Variants in SLC5A8 observed in about 807,000 individuals in gnomAD.
The protein encoded by SLC5A8 is sodium-coupled monocarboxylate transporter 1.
A neutral mutation model predicts 71.9 loss-of-function variants in SLC5A8; 55 were observed. That is an observed-to-expected ratio of 0.77 (90% CI 0.62 to 0.96). The LOEUF is 0.96. Ranked by LOEUF, SLC5A8 falls within the 40% of genes least tolerant of loss-of-function variation. The pLI is 0.00. For missense variants in SLC5A8, 701 were observed against 745.3 expected (o/e 0.94, Z 0.69); for synonymous variants, 307 against 276.1 (o/e 1.11, Z -1.11).
intron 13 of SLC5A8, among the ~76,000 whole-genome samples, 179 bp downstream of exon 13, chr12:101,161,795 T>C (rs76336480): frequency 2.6e-5 from 4 of 152,188 alleles, no homozygotes; most frequent in East Asian, 3.8e-4. Flanking sequence ...AAGATTCAAA[T>C]AGAAATGAGT....
In SLC5A8 at chr12:101,209,774, C is replaced by G. The variant is rs143245688; in HGVS notation, c.75G>C (p.Ser25=). ...YVVFAGMLVI[S]AAIGIYYAFA... ...AGGCGTAGTAGATGCCGATGGCGGC[C>G]GAGATGACCAGCATGCCCGCGAACA... The change falls in exon 1 of 15, where the codon TCG becomes TCC. Residue 25 remains serine (S), a synonymous_variant. Coordinates refer to ENST00000536262, the MANE Select transcript of SLC5A8 (RefSeq NM_145913.5). 1 of 1,609,982 alleles carries G rather than the reference C, an allele frequency of 6.2e-7. No individual in the cohort carries two copies.
At chr12:101,203,548 T>C (rs375417683) in intron 2 of SLC5A8, among the ~76,000 whole-genome samples, 71 of 152,194 alleles carry the variant, frequency 4.7e-4, no homozygotes, top group African/African-American at 1.6e-3. Context: ...GGTTTCACCA[T>C]GTTGGCCAGG....
chr12:101,192,710 A>T (rs113983388), intron 5 of SLC5A8, among the ~76,000 whole-genome samples: 1,689 of 152,328 alleles, frequency 0.011, 40 homozygotes, highest in African/African-American at 0.039. Flanking sequence ...TTCTCTAGAA[A>T]TAATACTTCA....
intron 3 of SLC5A8, among the ~76,000 whole-genome samples, chr12:101,197,438 G>A (rs1869233633): frequency 1.3e-5 from 2 of 152,130 alleles, no homozygotes; most frequent in Non-Finnish European, 2.9e-5. Context: ...TTTCCAAAAA[G>A]TTGAAGTGGA....
chr12:101,209,730 T>G lies in SLC5A8; in HGVS notation c.119A>C (p.Gln40Pro), dbSNP rs1212592003. ...IYYAFAGGGQ[Q>P]TSKDFLMGGR... ...GCCCATCAGGAAGTCCTTGGAGGTC[T>G]GCTGGCCGCCCCCAGCGAAGGCGTA... The change falls in exon 1 of 15, where the codon CAG (glutamine) becomes CCG (proline). Residue 40 changes from glutamine to proline, a missense_variant. Coordinates refer to ENST00000536262, the MANE Select transcript of SLC5A8 (RefSeq NM_145913.5). 6.2e-7 allele frequency: 1 copy of G among 1,612,746 alleles called. No individual in the cohort carries two copies. Among genetic ancestry groups the G allele is most frequent in the Non-Finnish European group, 8.5e-7 (1 of 1,179,850 alleles).
chr12:101,199,160 C>A (rs1242046684), intron 3 of SLC5A8: 1 of 151,874 alleles, frequency 6.6e-6, no homozygotes, highest in African/African-American at 2.4e-5. Context: ...GCATAAAAAA[C>A]AACAATTATC....
chr12:101,197,845 G>A (rs557511470), intron 3 of SLC5A8, among the ~76,000 whole-genome samples: 1 of 152,086 alleles, frequency 6.6e-6, no homozygotes, highest in East Asian at 1.9e-4. Flanking sequence ...CTAAACCTTT[G>A]ACCTTATAGA....
In SLC5A8 at chr12:101,155,876, C is replaced by T. The variant is rs911117061; in HGVS notation, c.*1403G>A. 5.3e-5 allele frequency: 8 copies of T among 150,708 alleles called. No homozygotes were observed. Among genetic ancestry groups the T allele is most frequent in the South Asian group, 2.1e-4 (1 of 4,774 alleles). The allele number at this position is 150,708 out of a possible 1,614,324, so 9.3% of individuals were successfully genotyped here. On this transcript the variant is annotated 3_prime_UTR_variant, in exon 15 of 15. Coordinates refer to ENST00000536262, the MANE Select transcript of SLC5A8 (RefSeq NM_145913.5). The stretch of plus-strand genomic sequence containing the variant: ...ACAGGGCATGATTACCTAAATAACA[C>T]GTATCAGAAAATAAGCATAAAATTA...
rs2051661328 is a variant in SLC5A8 at position 101,156,308 on chromosome 12, G to T, written c.*971C>A. ...AAGTGTAGTCATCTAACTCCATGGA[G>T]CTTAACCATTTTGAAGAATATAATA... is the stretch of plus-strand genomic sequence containing the variant. On this transcript the variant is annotated 3_prime_UTR_variant, in exon 15 of 15. Coordinates refer to ENST00000536262, the MANE Select transcript of SLC5A8 (RefSeq NM_145913.5). The T allele has an allele frequency of 6.6e-6, 1 of 152,102 alleles. No homozygotes were observed. The highest frequency in any genetic ancestry group is 1.5e-5 in the Non-Finnish European group (1 of 68,032). 9.4% of individuals were successfully genotyped at this position (152,102 alleles called of 1,614,324 possible).
Position 101,180,058 on chromosome 12 carries a change from G to A in SLC5A8, c.1204C>T (p.Leu402=), listed in dbSNP as rs1191759630. The A allele has an allele frequency of 6.2e-7, 1 of 1,613,996 alleles. No homozygotes were observed. The highest frequency in any genetic ancestry group is 8.5e-7 in the Non-Finnish European group (1 of 1,179,948). ...YGALCIGMAA[L]ASLMGALLQA... ...AACAAAGCTCCCATAAGTGACGCCA[G>A]CGCAGCCATTCCAATACACAGGGCT... Residue 402 remains leucine (L), a synonymous_variant, in exon 10 of 15, where the codon CTG becomes TTG. Transcript: ENST00000536262.
At chr12:101,177,590 T>G (rs538156706) in intron 10 of SLC5A8, among the ~76,000 whole-genome samples, 1 of 151,928 alleles carries the variant, frequency 6.6e-6, no homozygotes, top group African/African-American at 2.4e-5. Context: ...TAAAAATAAC[T>G]ACACACCATG....
rs1566306963 is a variant in SLC5A8, at chr12:101,166,561, T to C, written c.1459A>G (p.Thr487Ala). 1 of 1,614,026 alleles carries C rather than the reference T, an allele frequency of 6.2e-7. No homozygotes were observed. The highest frequency in any genetic ancestry group is 8.5e-7 in the Non-Finnish European group (1 of 1,179,948). Reference protein sequence around the residue: ...IQGCNSTYNETNLMTTTEMPF... With the variant: ...IQGCNSTYNEANLMTTTEMPF... ...ATTTCTGTGGTTGTCATCAAATTTGTCTCATTGTAGGTGCTGTTACAGCCT... is the reference window on the plus strand; with the variant it reads ...ATTTCTGTGGTTGTCATCAAATTTGCCTCATTGTAGGTGCTGTTACAGCCT... The change falls in exon 12 of 15, where the codon ACA becomes GCA. Residue 487 changes from threonine (T) to alanine (A), a missense_variant. Coordinates refer to ENST00000536262, the MANE Select transcript of SLC5A8 (RefSeq NM_145913.5).
At chr12:101,158,381 A>G (rs1467278694) in intron 13 of SLC5A8, 53 bp from the exon 14 acceptor site, 1 of 1,116,004 alleles carries the variant, frequency 9.0e-7, no homozygotes, top group Middle Eastern at 2.2e-4. Context: ...ACCAGTAACT[A>G]CACAGAGACA....
chr12:101,161,314 C>T (rs1425952517), intron 13 of SLC5A8, among the ~76,000 whole-genome samples: 2 of 151,952 alleles, frequency 1.3e-5, no homozygotes, highest in African/African-American at 4.8e-5. Flanking sequence ...TGAATATAGG[C>T]AGTAGAAAAC....
At chr12:101,192,176 C>A (rs1868941985) in intron 5 of SLC5A8, among the ~76,000 whole-genome samples, 2 of 152,188 alleles carry the variant, frequency 1.3e-5, no homozygotes, top group African/African-American at 4.8e-5. Flanking sequence ...TTGTTCTGCC[C>A]TGGCCAAGGG....
chr12:101,193,608 A>G lies in SLC5A8; in HGVS notation c.692+17T>C, dbSNP rs1241657474. 1 of 1,605,700 alleles carries G rather than the reference A, an allele frequency of 6.2e-7. No individual in the cohort carries two copies. The highest frequency in any genetic ancestry group is 8.5e-7 in the Non-Finnish European group (1 of 1,176,698). Reference sequence around the variant, plus strand: ...ATACAAAAGATGTGTTCAGTTACCCAAGTACTAGACACTTACTTCCAGAAA... The same window carrying G: ...ATACAAAAGATGTGTTCAGTTACCCGAGTACTAGACACTTACTTCCAGAAA... On this transcript the variant is annotated intron_variant, in intron 5 of 14. Transcript: ENST00000536262.
At chr12:101,195,264 C>T (rs1365435790) in intron 3 of SLC5A8, 102 bp from the exon 4 acceptor site, 4 of 1,235,466 alleles carry the variant, frequency 3.2e-6, no homozygotes, top group Middle Eastern at 3.9e-4. Flanking sequence ...TATCAGGCAC[C>T]TTCCTCTATA....
intron 13 of SLC5A8, among the ~76,000 whole-genome samples, chr12:101,159,667 G>A (rs1460750809): frequency 6.6e-6 from 1 of 152,154 alleles, no homozygotes. Context: ...AGTCACTGAG[G>A]TAGAGTGTTA....
chr12:101,209,190 G>A (rs955610581), intron 1 of SLC5A8, among the ~76,000 whole-genome samples: 2 of 152,296 alleles, frequency 1.3e-5, no homozygotes, highest in African/African-American at 4.8e-5. Flanking sequence ...AGATGCTAAA[G>A]GTAGAAAGGA....
Sources: gnomAD v4.1 joint callset for allele counts (sites outside exome capture counted in the v4.1 genomes callset) on GRCh38, gnomAD v4.1.1 for gene constraint, MANE v1.5 for transcripts, NCBI Gene and HGNC (gene_info 2026-07-23, HGNC 2026-07-21) for gene names.